JMJD1C: variants seen among roughly 807,000 people sequenced by gnomAD.
The protein encoded by JMJD1C is jumonji domain-containing protein 1C.
JMJD1C carries 31 observed loss-of-function variants against 245.3 expected under a neutral mutation model. The observed-to-expected ratio is 0.13, with a 90% CI of 0.09 to 0.17. JMJD1C has a LOEUF of 0.17. JMJD1C is among the 10% of genes least tolerant of loss of function. The probability of loss-of-function intolerance (pLI) is 1.00; values close to 1 mark genes in which losing one functional copy is unlikely to be tolerated. For synonymous variants in JMJD1C, 1,057 were observed against 1,017.4 expected (o/e 1.04, Z -0.74); for missense variants, 2,691 against 3,000.2 (o/e 0.90, Z 2.41).
intron 1 of JMJD1C, among the ~76,000 whole-genome samples, chr10:63,391,777 A>G (rs1948080856): frequency 6.6e-6 from 1 of 152,210 alleles, no homozygotes; most frequent in Non-Finnish European, 1.5e-5. Context: ...CATTTTTCAC[A>G]GAAATAGAGA....
chr10:63,312,976 G>T (rs1170610483), intron 2 of JMJD1C, among the ~76,000 whole-genome samples: 1 of 152,026 alleles, frequency 6.6e-6, no homozygotes, highest in Non-Finnish European at 1.5e-5. Context: ...GGTTTTTGGG[G>T]AACAGGTAGC....
chr10:63,486,791 G>C (rs1379266216), intron 1 of JMJD1C, among the ~76,000 whole-genome samples: 3 of 152,068 alleles, frequency 2.0e-5, no homozygotes, highest in African/African-American at 7.2e-5. Flanking sequence ...ACCCTAAAAT[G>C]GGGCTCTCTG....
intron 1 of JMJD1C, among the ~76,000 whole-genome samples, chr10:63,419,477 G>T (rs1949994933): frequency 6.6e-6 from 1 of 152,104 alleles, no homozygotes; most frequent in Admixed American, 6.5e-5. Context: ...ACTGAGCCAA[G>T]ACCTGAAAAG....
chr10:63,420,495 TG>T (rs1047789706), intron 1 of JMJD1C, among the ~76,000 whole-genome samples: 13 of 151,514 alleles, frequency 8.6e-5, no homozygotes, highest in Non-Finnish European at 5.9e-5. Flanking sequence ...GCTTGAACTT[TG>T]TAGTTCAAGA....
intron 1 of JMJD1C, among the ~76,000 whole-genome samples, chr10:63,458,800 T>TG (rs1356304555): frequency 1.3e-5 from 2 of 151,926 alleles, no homozygotes; most frequent in African/African-American, 4.8e-5. Context: ...CATGGCTCAA[T>TG]GCAGCCTTGA....
chr10:63,433,902 CAAAAAA>C (rs34824418), intron 1 of JMJD1C, among the ~76,000 whole-genome samples: 19 of 127,528 alleles, frequency 1.5e-4, no homozygotes, highest in African/African-American at 4.4e-4. Context: ...AATTGAGTTC[CAAAAAA>C]AAAAAAAAGG....
chr10:63,234,908 T>C (rs1286830733), intron 3 of JMJD1C, among the ~76,000 whole-genome samples: 1 of 152,174 alleles, frequency 6.6e-6, no homozygotes, highest in East Asian at 1.9e-4. Context: ...TGTAATACAT[T>C]TTTTATGAAC....
At chr10:63,521,503 T>G (rs1955239775) in intron 1 of JMJD1C, 2 of 1,369,044 alleles carry the variant, frequency 1.5e-6, no homozygotes, top group East Asian at 6.5e-5. Flanking sequence ...CGCAGCGCCC[T>G]GCGCCCACCC....
chr10:63,230,296 T>C lies in JMJD1C; in HGVS notation c.448-10313A>G, dbSNP rs188518653. Among the ~76,000 whole-genome samples, 682 of 151,688 alleles carry C rather than the reference T, an allele frequency of 4.5e-3. 5 individuals carry two copies. Among genetic ancestry groups the C allele is most frequent in the Non-Finnish European group, 7.1e-3 (483 of 67,830 alleles). On this transcript the variant is annotated intron_variant, in intron 3 of 25. Transcript: ENST00000399262. ...CTGAGGCAGGAGAATCCGTTGAACC[T>C]GGGAGGCAGAGGCTGCAGTGAGCTG...
chr10:63,291,596 A>G (rs1040127135), intron 2 of JMJD1C, among the ~76,000 whole-genome samples: 4 of 145,028 alleles, frequency 2.8e-5, no homozygotes, highest in African/African-American at 7.9e-5. Context: ...GCCTGGGCAA[A>G]AAGAGTGAAA....
intron 2 of JMJD1C, among the ~76,000 whole-genome samples, chr10:63,332,460 A>T (rs1291440425): frequency 3.3e-5 from 5 of 152,242 alleles, no homozygotes; most frequent in African/African-American, 7.2e-5. Flanking sequence ...CCTTATAATA[A>T]TGGAGGAATA....
intron 1 of JMJD1C, among the ~76,000 whole-genome samples, chr10:63,519,638 G>T (rs1030387465): frequency 6.6e-6 from 1 of 152,208 alleles, no homozygotes; most frequent in African/African-American, 2.4e-5. Flanking sequence ...AGGAATAATT[G>T]TCCCTGAGGA....
chr10:63,434,334 G>T (rs1351250042), intron 1 of JMJD1C, among the ~76,000 whole-genome samples: 1 of 152,166 alleles, frequency 6.6e-6, no homozygotes, highest in Non-Finnish European at 1.5e-5. Flanking sequence ...AATGGACTAG[G>T]TTATGGGAAA....
chr10:63,313,735 T>C (rs1939552384), intron 2 of JMJD1C, among the ~76,000 whole-genome samples: 1 of 152,256 alleles, frequency 6.6e-6, no homozygotes. Flanking sequence ...CTGCCACTTG[T>C]GCATATTCTT....
At chr10:63,169,979 C>T (rs991959166) in intron 24 of JMJD1C, among the ~76,000 whole-genome samples, 2 of 152,158 alleles carry the variant, frequency 1.3e-5, no homozygotes, top group Admixed American at 1.3e-4. Flanking sequence ...TACCAGCATA[C>T]AGAGTCTCCA....
intron 2 of JMJD1C, among the ~76,000 whole-genome samples, chr10:63,291,611 A>G (rs1362763994): frequency 4.6e-5 from 3 of 64,700 alleles, no homozygotes; most frequent in Non-Finnish European, 9.5e-5. Context: ...GTGAAACTCC[A>G]TCTAAAAAAA....
At chr10:63,454,629 C>T (rs1246257675) in intron 1 of JMJD1C, among the ~76,000 whole-genome samples, 5 of 152,142 alleles carry the variant, frequency 3.3e-5, no homozygotes, top group African/African-American at 1.2e-4. Context: ...CAGGGTTTCA[C>T]CATGTTGCCC....
chr10:63,520,453 A>G (rs1656187468), intron 1 of JMJD1C, among the ~76,000 whole-genome samples: 2 of 152,170 alleles, frequency 1.3e-5, no homozygotes, highest in African/African-American at 4.8e-5. Context: ...CTTAACTGGA[A>G]AAAATAAAAA....
intron 1 of JMJD1C, among the ~76,000 whole-genome samples, chr10:63,385,033 T>C (rs953684601): frequency 3.9e-5 from 6 of 152,116 alleles, no homozygotes; most frequent in Non-Finnish European, 5.9e-5. Context: ...CAGGCAACTA[T>C]AGGATTATTA....
Sources: gnomAD v4.1 joint callset for allele counts (sites outside exome capture counted in the v4.1 genomes callset) on GRCh38, gnomAD v4.1.1 for gene constraint, MANE v1.5 for transcripts, NCBI Gene and HGNC (gene_info 2026-07-23, HGNC 2026-07-21) for gene names.